RAMP1: variants seen among roughly 807,000 people sequenced by gnomAD.
The protein encoded by RAMP1 is receptor activity modifying protein 1, also known as receptor activity-modifying protein 1.
A neutral mutation model predicts 8.2 loss-of-function variants in RAMP1; 7 were observed. The observed-to-expected ratio is 0.85, with a 90% CI of 0.49 to 1.60. RAMP1 has a LOEUF of 1.60. Among genes scored for constraint, RAMP1 ranks in the 40% most tolerant of loss-of-function variants. The pLI is 0.00. For synonymous variants in RAMP1, 92 were observed against 84.7 expected, an observed-to-expected ratio of 1.09 and a Z score of -0.47; for missense variants, 192 against 202.4, an observed-to-expected ratio of 0.95 and a Z score of 0.31.
In RAMP1 at chr2:237,862,057, T is replaced by G. The variant is rs2062138488; in HGVS notation, c.52+2330T>G. 6.6e-6 allele frequency among the ~76,000 whole-genome samples: 1 copy of G among 152,102 alleles called. No homozygotes were observed. Among genetic ancestry groups the G allele is most frequent in the Non-Finnish European group, 1.5e-5 (1 of 68,006 alleles). Reference sequence around the variant, plus strand: ...TCACTCAGGGAATGCTGGCTGGTGCTGTCACACATGAACTCAGTCACCTGT... The same window carrying G: ...TCACTCAGGGAATGCTGGCTGGTGCGGTCACACATGAACTCAGTCACCTGT... On this transcript the variant is annotated intron_variant, in intron 1 of 2. Transcript: ENST00000254661. This position sits in a 1 kb window ranked among gnomAD's most constrained non-coding sequence, Gnocchi z 4.0.
chr2:237,859,813 C>A (rs1334320315), intron 1 of RAMP1, 86 bp downstream of exon 1: 5 of 286,642 alleles, frequency 1.7e-5, no homozygotes, highest in African/African-American at 2.3e-5. Flanking sequence ...CGGGTGGGAG[C>A]GGGTGGGAGC....
chr2:237,882,073 G>A (rs749400439), intron 2 of RAMP1, among the ~76,000 whole-genome samples: 2 of 152,268 alleles, frequency 1.3e-5, no homozygotes, highest in South Asian at 4.1e-4. Context: ...CTTGTGTATG[G>A]TGTGAACTAT....
chr2:237,874,386 C>T (rs917324162), intron 1 of RAMP1, among the ~76,000 whole-genome samples: 3 of 152,224 alleles, frequency 2.0e-5, no homozygotes, highest in African/African-American at 4.8e-5. Context: ...GGCCTCCGCA[C>T]GGGGACTGGC....
rs1209802057 is a variant in RAMP1 at position 237,878,515 on chromosome 2, G to A, written c.191+1153G>A. ...AAGCCCACGGCTGGGAGGCCCTGAG[G>A]CTGGGTGGCTCCCACTGCCCCTCTG... On this transcript the variant is annotated intron_variant, in intron 2 of 2. Transcript: ENST00000254661. The surrounding 1 kb of genome is among the most constrained non-coding windows in gnomAD (Gnocchi z 5.7). Among the ~76,000 whole-genome samples, 2 of 152,226 alleles carry A rather than the reference G, an allele frequency of 1.3e-5. No individual in the cohort carries two copies. Among genetic ancestry groups the A allele is most frequent in the East Asian group, 1.9e-4 (1 of 5,198 alleles).
chr2:237,908,410 C>CTGGTGGTAGTGGTGG (rs1553740389), intron 2 of RAMP1, among the ~76,000 whole-genome samples: 1 of 149,014 alleles, frequency 6.7e-6, no homozygotes, highest in Non-Finnish European at 1.5e-5. Context: ...GAAGAGACCT[C>CTGGTGGTAGTGGTGG]TGGTGGTGGT....
intron 2 of RAMP1, 79 bp from the exon 3 acceptor site, chr2:237,911,449 G>A (rs952482248): frequency 3.2e-5 from 50 of 1,555,816 alleles, no homozygotes; most frequent in Non-Finnish European, 3.8e-5. Flanking sequence ...GAGGGGCCAC[G>A]GTGCAGCAGC....
chr2:237,870,125 TGTCTA>T (rs1372360549), intron 1 of RAMP1: 13 of 152,424 alleles, frequency 8.5e-5, no homozygotes, highest in African/African-American at 2.9e-4. Context: ...GGTTTCTCGT[TGTCTA>T]GTCTTTTGTC....
At chr2:237,885,041 C>T (rs935571783) in intron 2 of RAMP1, among the ~76,000 whole-genome samples, 3 of 152,250 alleles carry the variant, frequency 2.0e-5, no homozygotes, top group Non-Finnish European at 2.9e-5. Flanking sequence ...GTCCACACGA[C>T]GTTGGGCAGG....
At chr2:237,908,074 C>T (rs576850152) in intron 2 of RAMP1, among the ~76,000 whole-genome samples, 1 of 152,356 alleles carries the variant, frequency 6.6e-6, no homozygotes, top group African/African-American at 2.4e-5. Context: ...TAGCAATGAG[C>T]TGTCATTGCC....
At chr2:237,881,915 T>C (rs2062372975) in intron 2 of RAMP1, among the ~76,000 whole-genome samples, 1 of 152,100 alleles carries the variant, frequency 6.6e-6, no homozygotes, top group African/African-American at 2.4e-5. Flanking sequence ...AAACCATCCA[T>C]CTTTGATCGC....
chr2:237,894,634 A>T (rs1276948005), intron 2 of RAMP1, among the ~76,000 whole-genome samples: 1 of 152,314 alleles, frequency 6.6e-6, no homozygotes, highest in East Asian at 1.9e-4. Context: ...CCCAGAAGCC[A>T]GGCGGGGCTG....
At chr2:237,900,011 A>G (rs1334702368) in intron 2 of RAMP1, among the ~76,000 whole-genome samples, 6 of 152,344 alleles carry the variant, frequency 3.9e-5, no homozygotes, top group African/African-American at 1.4e-4. Context: ...TCTTCTTGGA[A>G]TTCCTCCTTT....
At chr2:237,890,905 G>A (rs2062481279) in intron 2 of RAMP1, among the ~76,000 whole-genome samples, 1 of 151,996 alleles carries the variant, frequency 6.6e-6, no homozygotes, top group African/African-American at 2.4e-5. Flanking sequence ...TTAGAAAATA[G>A]GCCACACTTT....
chr2:237,866,877 C>T (rs577998959), intron 1 of RAMP1, among the ~76,000 whole-genome samples: 7 of 152,026 alleles, frequency 4.6e-5, no homozygotes, highest in South Asian at 4.2e-4. Context: ...TATAGGTGCC[C>T]GCTACCATGC....
chr2:237,911,632 G>C lies in RAMP1; in HGVS notation c.296G>C (p.Arg99Pro), dbSNP rs112349084. Residue 99 changes from arginine (R) to proline (P), a missense_variant, in exon 3 of 3, where the codon CGC becomes CCC. Physicochemically the swap from Arg to Pro is moderately radical, Grantham distance 103. Coordinates refer to ENST00000254661, the MANE Select transcript of RAMP1 (RefSeq NM_005855.4). ...VDRFFLAVHGRYFRSCPISGR... is the reference protein window; with the variant it reads ...VDRFFLAVHGPYFRSCPISGR... ...AGGTTCTTCCTGGCAGTGCATGGCC[G>C]CTACTTCAGGAGCTGCCCCATCTCA... The C allele has an allele frequency of 1.2e-6, 2 of 1,614,002 alleles. No homozygotes were observed.
rs1187204825 is a variant in RAMP1, at chr2:237,878,619, A to C, written c.191+1257A>C. On this transcript the variant is annotated intron_variant, in intron 2 of 2. Transcript: ENST00000254661. The surrounding 1 kb of genome is among the most constrained non-coding windows in gnomAD (Gnocchi z 5.7). ...CCTCTTCAGTCCTACTGAGATTGGC[A>C]GATGAGTGGCCTCTGTTTTCTCCTC... Among the ~76,000 whole-genome samples, 1 of 152,224 alleles carries C rather than the reference A, an allele frequency of 6.6e-6. No homozygotes were observed. Among genetic ancestry groups the C allele is most frequent in the Non-Finnish European group, 1.5e-5 (1 of 68,030 alleles).
chr2:237,902,934 C>A (rs2062618551), intron 2 of RAMP1, among the ~76,000 whole-genome samples: 1 of 152,254 alleles, frequency 6.6e-6, no homozygotes. Flanking sequence ...CTGTGACATT[C>A]TGCTGTGTCC....
At chr2:237,872,117 T>C (rs1353266664) in intron 1 of RAMP1, among the ~76,000 whole-genome samples, 1 of 152,162 alleles carries the variant, frequency 6.6e-6, no homozygotes, top group Non-Finnish European at 1.5e-5. Context: ...ATGTTAGGGG[T>C]TCTTAGCGGG....
At position 237,877,230 on chromosome 2, in the gene RAMP1, A is replaced by G; in HGVS notation, c.59A>G (p.His20Arg). 6.2e-7 allele frequency: 1 copy of G among 1,613,644 alleles called. No homozygotes were observed. The highest frequency in any genetic ancestry group is 1.1e-5 in the South Asian group (1 of 91,058). The change falls in exon 2 of 3, where the codon CAC becomes CGC. Residue 20 changes from histidine (H) to arginine (R), a missense_variant. Coordinates refer to ENST00000254661, the MANE Select transcript of RAMP1 (RefSeq NM_005855.4). This position sits in a 1 kb window ranked among gnomAD's most constrained non-coding sequence, Gnocchi z 4.4. ...ATGGCCGTGTCTATTTCAGCCCATCACCTCTTCATGACCACTGCCTGCCAG... is the reference window on the plus strand; with the variant it reads ...ATGGCCGTGTCTATTTCAGCCCATCGCCTCTTCATGACCACTGCCTGCCAG... ...RRGLWLLLAH[H>R]LFMTTACQEA...
Sources: allele counts gnomAD v4.1 joint callset (sites outside exome capture counted in the v4.1 genomes callset), GRCh38; gene constraint gnomAD v4.1.1; non-coding constraint Gnocchi (gnomAD v3.1); transcripts MANE v1.5; gene names NCBI Gene and HGNC (gene_info 2026-07-23, HGNC 2026-07-21).